Variants in SPTLC2 observed in about 807,000 individuals in gnomAD.
SPTLC2 encodes the protein serine palmitoyltransferase long chain base subunit 2, also known as serine palmitoyltransferase 2.
In SPTLC2, 21 loss-of-function variants were observed where a neutral mutation model predicts 62.0. The observed-to-expected ratio is 0.34, with a 90% confidence interval of 0.24 to 0.49. SPTLC2 has a LOEUF of 0.49. SPTLC2 is among the 20% of genes least tolerant of loss of function. The probability of loss-of-function intolerance (pLI) is 0.99; values close to 1 mark genes in which losing one functional copy is unlikely to be tolerated. For missense variants in SPTLC2, 511 were observed against 713.0 expected (o/e 0.72, Z 3.23); for synonymous variants, 261 against 261.8 (o/e 1.00, Z 0.03).
At chr14:77,616,377 C>G (rs544516561) in intron 1 of SPTLC2, 71 bp downstream of exon 1, 1 of 1,026,130 alleles carries the variant, frequency 9.7e-7, no homozygotes, top group Non-Finnish European at 1.2e-6. Context: ...GCCCGGAGAC[C>G]TCGCCCCGCC....
chr14:77,595,852 T>C (rs2079844057), intron 2 of SPTLC2, among the ~76,000 whole-genome samples: 1 of 152,220 alleles, frequency 6.6e-6, no homozygotes, highest in Non-Finnish European at 1.5e-5. Flanking sequence ...CCTTCTCTAA[T>C]CTGGTACATT....
intron 9 of SPTLC2, among the ~76,000 whole-genome samples, chr14:77,525,089 C>G (rs6574381): frequency 0.96 from 146,276 of 152,250 alleles, 70,554 homozygotes; most frequent in East Asian, 1. Flanking sequence ...CCGTATGCAT[C>G]TATCAAAATA....
chr14:77,552,226 G>A lies in SPTLC2; in HGVS notation c.1177-4C>T. The A allele has an allele frequency of 6.2e-7, 1 of 1,613,974 alleles. No individual in the cohort carries two copies. Among genetic ancestry groups the A allele is most frequent in the Non-Finnish European group, 8.5e-7 (1 of 1,179,964 alleles). On this transcript the variant is annotated splice_polypyrimidine_tract_variant and splice_region_variant and intron_variant, in intron 8 of 11. Coordinates refer to ENST00000216484, the MANE Select transcript of SPTLC2 (RefSeq NM_004863.4). ...TTCGCAGGTAGTCTATCAGCTCCTGGGGAGTTCACAGAGGCAGATAAGTAG... is the reference window on the plus strand; with the variant it reads ...TTCGCAGGTAGTCTATCAGCTCCTGAGGAGTTCACAGAGGCAGATAAGTAG...
intron 9 of SPTLC2, among the ~76,000 whole-genome samples, chr14:77,550,327 C>A (rs1938408504): frequency 6.6e-6 from 1 of 152,226 alleles, no homozygotes; most frequent in African/African-American, 2.4e-5. Context: ...GTAATCCCAG[C>A]ATTTTGGGAA....
In SPTLC2 at chr14:77,510,008, C is replaced by A; in HGVS notation, c.*2276G>T. ...AAGTTTGTGACTTTTACAAACCCTA[C>A]GTTTACATTAGTAAATAGTAACTGC... On this transcript the variant is annotated 3_prime_UTR_variant, in exon 12 of 12. Transcript: ENST00000216484. 1 of 398,182 alleles carries A rather than the reference C, an allele frequency of 2.5e-6. No individual in the cohort carries two copies. The highest frequency in any genetic ancestry group is 6.3e-4 in the Middle Eastern group (1 of 1,582). The allele number at this position is 398,182 out of a possible 1,614,324, so 24.7% of individuals were successfully genotyped here. A position where few individuals can be genotyped will look rare whatever the true frequency, so the allele number is the denominator to read the frequency against.
chr14:77,568,575 G>A (rs1161285708), intron 5 of SPTLC2, among the ~76,000 whole-genome samples: 3 of 151,972 alleles, frequency 2.0e-5, no homozygotes, highest in Non-Finnish European at 4.4e-5. Flanking sequence ...TTGGGAGGCC[G>A]AGGCAGGCAG....
chr14:77,542,371 G>A (rs545692296), intron 9 of SPTLC2, among the ~76,000 whole-genome samples: 2 of 152,226 alleles, frequency 1.3e-5, no homozygotes, highest in East Asian at 3.9e-4. Flanking sequence ...AAATGGCACT[G>A]GAAAATCTTT....
At chr14:77,531,994 C>G (rs1356104491) in intron 9 of SPTLC2, among the ~76,000 whole-genome samples, 1 of 152,178 alleles carries the variant, frequency 6.6e-6, no homozygotes, top group Non-Finnish European at 1.5e-5. Context: ...TTAAATTTCT[C>G]ATCTCTCTAT....
chr14:77,583,199 C>CAATA (rs58888587), intron 2 of SPTLC2, among the ~76,000 whole-genome samples: 41,899 of 132,188 alleles, frequency 0.32, 7,213 homozygotes, highest in Non-Finnish European at 0.38. Flanking sequence ...AAAGCTGTCT[C>CAATA]AATAAATAAA....
chr14:77,543,311 A>T (rs1451458341), intron 9 of SPTLC2, among the ~76,000 whole-genome samples: 2 of 152,166 alleles, frequency 1.3e-5, no homozygotes, highest in African/African-American at 4.8e-5. Flanking sequence ...CCTTGGCCTC[A>T]GAAAGTCTTA....
intron 9 of SPTLC2, chr14:77,535,667 T>A: frequency 4.5e-6 from 1 of 221,100 alleles, no homozygotes; most frequent in Non-Finnish European, 9.0e-6. Context: ...TGGACCAGAC[T>A]GCTTAGAAAA....
At chr14:77,512,605 G>A (rs1182104285) in intron 11 of SPTLC2, among the ~76,000 whole-genome samples, 2 of 152,202 alleles carry the variant, frequency 1.3e-5, no homozygotes, top group Non-Finnish European at 1.5e-5. Context: ...CATGAATAAT[G>A]GGTTGTGAAT....
chr14:77,517,829 C>T (rs2139992847), intron 11 of SPTLC2, among the ~76,000 whole-genome samples: 1 of 152,112 alleles, frequency 6.6e-6, no homozygotes, highest in Non-Finnish European at 1.5e-5. Flanking sequence ...TAGAGCAAGA[C>T]AAAGCCGGAA....
chr14:77,570,698 C>A (rs1450352859), intron 4 of SPTLC2, among the ~76,000 whole-genome samples, 190 bp from the exon 5 acceptor site: 1 of 152,000 alleles, frequency 6.6e-6, no homozygotes, highest in Non-Finnish European at 1.5e-5. Context: ...ATAAAGAACA[C>A]AATAGTTGAA....
intron 2 of SPTLC2, among the ~76,000 whole-genome samples, chr14:77,586,910 C>G (rs1475704547): frequency 6.6e-6 from 1 of 152,120 alleles, no homozygotes; most frequent in Non-Finnish European, 1.5e-5. Flanking sequence ...TCTGGCAATA[C>G]TGAGTGTTAG....
At chr14:77,519,888 C>CT (rs58938174) in intron 10 of SPTLC2, among the ~76,000 whole-genome samples, 3,900 of 150,336 alleles carry the variant, frequency 0.026, 162 homozygotes, top group African/African-American at 0.088. Flanking sequence ...TTCTCTAAAT[C>CT]TTTTTTTTTT....
At chr14:77,536,414 C>G (rs958581177) in intron 9 of SPTLC2, among the ~76,000 whole-genome samples, 3 of 151,458 alleles carry the variant, frequency 2.0e-5, no homozygotes, top group African/African-American at 4.9e-5. Flanking sequence ...ATTCACGTCA[C>G]CAGGTGATTT....
chr14:77,585,485 G>A (rs561911624), intron 2 of SPTLC2, among the ~76,000 whole-genome samples: 23 of 152,174 alleles, frequency 1.5e-4, no homozygotes, highest in African/African-American at 5.3e-4. Flanking sequence ...CACCAATCTC[G>A]ATATAACAAA....
At chr14:77,552,254 A>G in intron 8 of SPTLC2, 32 bp from the exon 9 acceptor site, 1 of 1,613,292 alleles carries the variant, frequency 6.2e-7, no homozygotes, top group Non-Finnish European at 8.5e-7. Flanking sequence ...ATAAGTAGAG[A>G]CAATTCTTGC....
Sources: gnomAD v4.1 joint callset for allele counts (sites outside exome capture counted in the v4.1 genomes callset) on GRCh38, gnomAD v4.1.1 for gene constraint, MANE v1.5 for transcripts, NCBI Gene and HGNC (gene_info 2026-07-23, HGNC 2026-07-21) for gene names.